The following XKR4 variants were observed in gnomAD, a reference collection of about 807,000 sequenced individuals.
The protein encoded by XKR4 is XK related 4, also known as XK-related protein 4.
XKR4 carries 12 observed loss-of-function variants against 53.9 expected under a neutral mutation model. The observed-to-expected ratio is 0.22, with a 90% CI of 0.14 to 0.36. The LOEUF (loss-of-function observed/expected upper bound fraction) is 0.36, where lower values mean the gene tolerates loss of function less well. XKR4 is among the 10% of genes least tolerant of loss of function. The pLI is 1.00. For missense variants in XKR4, 799 were observed against 859.5 expected, an observed-to-expected ratio of 0.93 and a Z score of 0.88; for synonymous variants, 354 against 362.4, an observed-to-expected ratio of 0.98 and a Z score of 0.26.
intron 1 of XKR4, among the ~76,000 whole-genome samples, chr8:55,310,776 C>T (rs4374965): frequency 0.64 from 97,236 of 152,052 alleles, 33,297 homozygotes; most frequent in African/African-American, 0.89. Flanking sequence ...CCTCAGAAGC[C>T]GACCCTGAGT....
chr8:55,235,200 C>G (rs1344613159), intron 1 of XKR4, among the ~76,000 whole-genome samples: 2 of 152,194 alleles, frequency 1.3e-5, no homozygotes, highest in Non-Finnish European at 2.9e-5. Context: ...GCCTTCTCCT[C>G]TGTACCTGTG....
intron 2 of XKR4, chr8:55,450,122 G>C (rs926281573): frequency 5.7e-6 from 4 of 696,972 alleles, no homozygotes; most frequent in Non-Finnish European, 7.9e-6. Context: ...TTAGCGGGTC[G>C]GCTCAGCTCT....
chr8:55,423,908 G>C (rs1804972908), intron 2 of XKR4, among the ~76,000 whole-genome samples: 1 of 152,248 alleles, frequency 6.6e-6, no homozygotes, highest in Non-Finnish European at 1.5e-5. Flanking sequence ...GTCAGGAATA[G>C]ATTCTCCATG....
At chr8:55,284,393 T>A (rs1250798281) in intron 1 of XKR4, among the ~76,000 whole-genome samples, 4 of 152,152 alleles carry the variant, frequency 2.6e-5, no homozygotes, top group Non-Finnish European at 4.4e-5. Flanking sequence ...GAATCTCCCA[T>A]GAGATGGGTG....
intron 1 of XKR4, among the ~76,000 whole-genome samples, chr8:55,342,467 A>T (rs1475937209): frequency 1.3e-5 from 2 of 151,792 alleles, no homozygotes; most frequent in Admixed American, 6.6e-5. Context: ...AAGCCCTCTA[A>T]TTGCTTCCCA....
intron 1 of XKR4, among the ~76,000 whole-genome samples, chr8:55,181,917 T>C (rs1458656124): frequency 1.3e-5 from 2 of 152,344 alleles, no homozygotes; most frequent in Non-Finnish European, 2.9e-5. Context: ...ATTTCCATAA[T>C]GCTATATGTT....
At chr8:55,396,169 T>C (rs959858157) in intron 2 of XKR4, among the ~76,000 whole-genome samples, 25 of 152,166 alleles carry the variant, frequency 1.6e-4, no homozygotes, top group African/African-American at 5.5e-4. Context: ...CCACAAAATG[T>C]TTTACCACTG....
intron 1 of XKR4, among the ~76,000 whole-genome samples, chr8:55,154,396 C>T (rs1269701021): frequency 2.0e-5 from 3 of 152,138 alleles, no homozygotes; most frequent in African/African-American, 7.2e-5. Flanking sequence ...GTTTTACAAA[C>T]TTGAAGCCTA....
intron 1 of XKR4, among the ~76,000 whole-genome samples, chr8:55,276,726 G>A (rs1242868839): frequency 2.0e-5 from 3 of 152,046 alleles, no homozygotes; most frequent in Non-Finnish European, 4.4e-5. Flanking sequence ...GTAAATATTG[G>A]GCACATTAAT....
intron 1 of XKR4, among the ~76,000 whole-genome samples, chr8:55,317,758 G>T (rs1482930478): frequency 6.6e-6 from 1 of 152,114 alleles, no homozygotes; most frequent in Non-Finnish European, 1.5e-5. Context: ...AAAGCATGAT[G>T]TCAAGAAAAT....
chr8:55,139,302 A>G (rs1409086407), intron 1 of XKR4, among the ~76,000 whole-genome samples: 2 of 152,146 alleles, frequency 1.3e-5, no homozygotes, highest in Non-Finnish European at 2.9e-5. Context: ...TTGGGAGGCC[A>G]GGGCAGGTGG....
At chr8:55,210,091 T>G (rs1289408100) in intron 1 of XKR4, among the ~76,000 whole-genome samples, 4 of 145,540 alleles carry the variant, frequency 2.7e-5, no homozygotes, top group African/African-American at 1.0e-4. Flanking sequence ...TCTCCATTTT[T>G]TTTTTTTTTT....
At position 55,528,689 on chromosome 8, in the gene XKR4, G is replaced by C. The variant is rs920628708; in HGVS notation, c.*4462G>C. On this transcript the variant is annotated 3_prime_UTR_variant, in exon 3 of 3. Coordinates refer to ENST00000327381, the MANE Select transcript of XKR4 (RefSeq NM_052898.2). Reference sequence around the variant, plus strand: ...TGAAGCGCATGGTGAAAACACAGGAGGACTGGGGTGGTCATTCCTATAATT... The same window carrying C: ...TGAAGCGCATGGTGAAAACACAGGACGACTGGGGTGGTCATTCCTATAATT... 1 of 152,150 alleles carries C rather than the reference G, an allele frequency of 6.6e-6. No individual in the cohort carries two copies. Among genetic ancestry groups the C allele is most frequent in the African/African-American group, 2.4e-5 (1 of 41,406 alleles). The allele number at this position is 152,150 out of a possible 1,614,324, so 9.4% of individuals were successfully genotyped here.
chr8:55,460,008 G>T (rs1427139928), intron 2 of XKR4, among the ~76,000 whole-genome samples: 1 of 125,852 alleles, frequency 7.9e-6, no homozygotes, highest in Non-Finnish European at 1.7e-5. Flanking sequence ...ATAGCCAAAT[G>T]CTGAAAAAAA....
intron 2 of XKR4, among the ~76,000 whole-genome samples, chr8:55,448,201 T>C (rs562963861): frequency 6.6e-6 from 1 of 152,348 alleles, no homozygotes; most frequent in East Asian, 1.9e-4. Flanking sequence ...AGCCTGGCAA[T>C]TTATTAAACT....
chr8:55,194,716 C>T (rs530092345), intron 1 of XKR4, among the ~76,000 whole-genome samples: 7 of 152,292 alleles, frequency 4.6e-5, no homozygotes, highest in African/African-American at 1.7e-4. Flanking sequence ...GAAAGAGATG[C>T]ACCCATTTGG....
Position 55,474,096 on chromosome 8 carries a change from A to G in XKR4, c.1007-49185A>G, listed in dbSNP as rs143317153. ...ATTTTATTTAATTTTATTTTTATAGAGACGTGGTCTCGCTATGTTACCCAG... is the reference window on the plus strand; with the variant it reads ...ATTTTATTTAATTTTATTTTTATAGGGACGTGGTCTCGCTATGTTACCCAG... On this transcript the variant is annotated intron_variant, in intron 2 of 2. Transcript: ENST00000327381. 6.4e-4 allele frequency among the ~76,000 whole-genome samples: 98 copies of G among 152,198 alleles called. 1 individual carries two copies. Among genetic ancestry groups the G allele is most frequent in the African/African-American group, 2.3e-3 (97 of 41,462 alleles).
chr8:55,362,322 G>T lies in XKR4; in HGVS notation c.1006+4445G>T, dbSNP rs140825672. The stretch of plus-strand genomic sequence containing the variant: ...GCTCATGAACCCTGAATTAAGGGGT[G>T]TGTGTTAGAAAGGAAGTGCAAGAAA... On this transcript the variant is annotated intron_variant, in intron 2 of 2. Transcript: ENST00000327381. 1.1e-3 allele frequency among the ~76,000 whole-genome samples: 170 copies of T among 152,278 alleles called. 1 individual carries two copies. Among genetic ancestry groups the T allele is most frequent in the African/African-American group, 3.9e-3 (162 of 41,560 alleles).
chr8:55,429,832 A>G (rs1368821004), intron 2 of XKR4, among the ~76,000 whole-genome samples: 2 of 152,194 alleles, frequency 1.3e-5, no homozygotes, highest in African/African-American at 4.8e-5. Context: ...AGACACTGTT[A>G]AGGGGAGAAA....
Sources: allele counts gnomAD v4.1 joint callset (sites outside exome capture counted in the v4.1 genomes callset), GRCh38; gene constraint gnomAD v4.1.1; transcripts MANE v1.5; gene names NCBI Gene and HGNC (gene_info 2026-07-23, HGNC 2026-07-21).